EYS: variants seen among roughly 807,000 people sequenced by gnomAD.
EYS encodes the protein protein eyes shut homolog.
In EYS, 250 loss-of-function variants were observed where a neutral mutation model predicts 282.1. The observed-to-expected ratio is 0.89, with a 90% CI of 0.80 to 0.98. EYS has a LOEUF of 0.98. EYS is among the 50% of genes least tolerant of loss of function. EYS has a pLI of 0.00. For missense variants in EYS, 4,016 were observed against 3,709.0 expected (o/e 1.08, Z -2.15); for synonymous variants, 1,355 against 1,282.9 (o/e 1.06, Z -1.20).
In EYS at chr6:64,133,926, C is replaced by T. The variant is rs569472379; in HGVS notation, c.6425-51924G>A. Among the ~76,000 whole-genome samples the T allele has an allele frequency of 1.3e-4, 20 of 151,708 alleles. No homozygotes were observed. In the East Asian group the frequency reaches 1.7e-3, roughly 13 times the overall value. On this transcript the variant is annotated intron_variant, in intron 31 of 42. Transcript: ENST00000503581. ...TGGGGTGAGAGATGGTTCTTATATA[C>T]GAATGCTAAGGGAAGCTTCTCTGAA...
chr6:64,257,804 A>G (rs957473845), intron 30 of EYS, among the ~76,000 whole-genome samples: 11 of 142,480 alleles, frequency 7.7e-5, no homozygotes, highest in Admixed American at 6.5e-4. Flanking sequence ...GATGATGATG[A>G]TGTTGGCCAT....
At chr6:64,771,884 A>T (rs1006860573) in intron 22 of EYS, among the ~76,000 whole-genome samples, 7 of 151,796 alleles carry the variant, frequency 4.6e-5, no homozygotes, top group African/African-American at 1.7e-4. Context: ...TTATGCAGAT[A>T]TTCTGTGTTC....
chr6:65,101,019 T>TA (rs1461575189), intron 12 of EYS, among the ~76,000 whole-genome samples: 12 of 151,188 alleles, frequency 7.9e-5, no homozygotes, highest in Non-Finnish European at 1.5e-4. Flanking sequence ...GAGTAATAAA[T>TA]ATTAGTCAGA....
At chr6:64,395,479 G>GT (rs1773329878) in intron 28 of EYS, among the ~76,000 whole-genome samples, 1 of 152,122 alleles carries the variant, frequency 6.6e-6, no homozygotes, top group African/African-American at 2.4e-5. Context: ...CGTGTCCTTT[G>GT]TAGGGACATG....
intron 29 of EYS, among the ~76,000 whole-genome samples, chr6:64,376,271 C>A (rs1460991507): frequency 6.6e-6 from 1 of 152,108 alleles, no homozygotes; most frequent in African/African-American, 2.4e-5. Flanking sequence ...GAGGACAGGA[C>A]AACAGGAGCT....
intron 29 of EYS, among the ~76,000 whole-genome samples, chr6:64,327,140 ATG>A (rs1770456975): frequency 6.6e-6 from 1 of 152,020 alleles, no homozygotes; most frequent in Admixed American, 6.6e-5. Context: ...AGTGTGGACT[ATG>A]TGCTCTGAGG....
intron 12 of EYS, among the ~76,000 whole-genome samples, chr6:65,069,472 C>T (rs773653022): frequency 3.3e-5 from 5 of 151,874 alleles, no homozygotes; most frequent in Non-Finnish European, 5.9e-5. Flanking sequence ...ATCCAAACTG[C>T]GATCTTTTGG....
chr6:64,615,008 C>T (rs76145610), intron 24 of EYS, among the ~76,000 whole-genome samples: 2 of 152,156 alleles, frequency 1.3e-5, no homozygotes, highest in East Asian at 1.9e-4. Context: ...AATGAGCAAA[C>T]GTTCCAACAG....
intron 41 of EYS, among the ~76,000 whole-genome samples, chr6:63,758,766 G>T (rs1350916221): frequency 6.6e-6 from 1 of 152,070 alleles, no homozygotes; most frequent in African/African-American, 2.4e-5. Flanking sequence ...TTCCACTATG[G>T]TCATGATAAT....
chr6:64,455,081 A>C (rs538716835), intron 26 of EYS, among the ~76,000 whole-genome samples: 1 of 152,096 alleles, frequency 6.6e-6, no homozygotes, highest in South Asian at 2.1e-4. Context: ...CTATTTATTT[A>C]TTTGTGTGTG....
chr6:65,555,354 C>T (rs1405563658), intron 2 of EYS, among the ~76,000 whole-genome samples: 1 of 151,828 alleles, frequency 6.6e-6, no homozygotes, highest in Admixed American at 6.6e-5. Flanking sequence ...ATAAATTTAC[C>T]ACCTAGAGTT....
At chr6:65,410,862 G>T (rs1204753180) in intron 5 of EYS, among the ~76,000 whole-genome samples, 2 of 151,804 alleles carry the variant, frequency 1.3e-5, no homozygotes, top group East Asian at 3.9e-4. Context: ...ATACTATTCA[G>T]CCATATAAAA....
chr6:65,564,320 A>G (rs1769189297), intron 2 of EYS, among the ~76,000 whole-genome samples: 1 of 152,166 alleles, frequency 6.6e-6, no homozygotes, highest in South Asian at 2.1e-4. Context: ...AGCCAAGACA[A>G]TCCTAAGCAA....
chr6:64,946,037 G>T, intron 14 of EYS, 123 bp from the exon 15 acceptor site: 1 of 685,842 alleles, frequency 1.5e-6, no homozygotes, highest in Non-Finnish European at 2.2e-6. Flanking sequence ...TTTATAGAAT[G>T]CCAATACTCC....
rs185631440 is a variant in EYS at position 64,161,157 on chromosome 6, G to A, written c.6424+69435C>T. ...CTTATAGAAAAACTGCTGAAAATACGGAACAAGCATTTAAAAAAGTTCTTA... is the reference window on the plus strand; with the variant it reads ...CTTATAGAAAAACTGCTGAAAATACAGAACAAGCATTTAAAAAAGTTCTTA... On this transcript the variant is annotated intron_variant, in intron 31 of 42. Coordinates refer to ENST00000503581, the MANE Select transcript of EYS (RefSeq NM_001142800.2). 1.5e-4 allele frequency among the ~76,000 whole-genome samples: 23 copies of A among 152,068 alleles called. No individual in the cohort carries two copies. The East Asian group carries it at 2.5e-3, about 17-fold the overall frequency.
chr6:64,320,129 G>A (rs1435925949), intron 29 of EYS, among the ~76,000 whole-genome samples: 9 of 151,900 alleles, frequency 5.9e-5, no homozygotes, highest in African/African-American at 1.4e-4. Flanking sequence ...AAAAGATATT[G>A]TTCCATTGTC....
At chr6:64,376,189 G>T (rs566284934) in intron 29 of EYS, among the ~76,000 whole-genome samples, 5 of 152,160 alleles carry the variant, frequency 3.3e-5, no homozygotes, top group Non-Finnish European at 5.9e-5. Context: ...AAATCTACAG[G>T]TTTCTGTGGA....
rs575206580 is a variant in EYS, at chr6:64,156,891, A to T, written c.6424+73701T>A. On this transcript the variant is annotated intron_variant, in intron 31 of 42. Coordinates refer to ENST00000503581, the MANE Select transcript of EYS (RefSeq NM_001142800.2). ...TTTTTTTAATTTTTAATTTTTAATT[A>T]ATTTATTTTTTTATTATTATACTTT... Among the ~76,000 whole-genome samples the T allele has an allele frequency of 6.0e-4, 89 of 149,062 alleles. 1 individual carries two copies. Among genetic ancestry groups the T allele is most frequent in the African/African-American group, 2.2e-3 (87 of 38,874 alleles).
At chr6:65,155,254 T>C (rs911145988) in intron 12 of EYS, among the ~76,000 whole-genome samples, 1 of 151,478 alleles carries the variant, frequency 6.6e-6, no homozygotes, top group South Asian at 2.1e-4. Flanking sequence ...CATAACTCTT[T>C]CATCAAAGCT....
Sources: allele counts gnomAD v4.1 joint callset (sites outside exome capture counted in the v4.1 genomes callset), GRCh38; gene constraint gnomAD v4.1.1; transcripts MANE v1.5; gene names NCBI Gene and HGNC (gene_info 2026-07-23, HGNC 2026-07-21).